TBCD: variants seen among roughly 807,000 people sequenced by gnomAD.
TBCD encodes the protein tubulin-specific chaperone D.
In TBCD, 105 loss-of-function variants were observed where a neutral mutation model predicts 169.3. The observed-to-expected ratio is 0.62, with a 90% confidence interval of 0.53 to 0.73. TBCD has a LOEUF of 0.73. TBCD is among the 30% of genes least tolerant of loss of function. TBCD has a pLI of 0.00. For synonymous variants in TBCD, 700 were observed against 643.9 expected (o/e 1.09, Z -1.32); for missense variants, 1,444 against 1,600.1 (o/e 0.90, Z 1.66).
chr17:82,895,753 C>G (rs1331712568), intron 17 of TBCD: 1 of 152,176 alleles, frequency 6.6e-6, no homozygotes, highest in Non-Finnish European at 1.5e-5. Flanking sequence ...GAGGTTGGGG[C>G]CTCAGCTTGC....
intron 12 of TBCD, among the ~76,000 whole-genome samples, chr17:82,810,333 C>T (rs776205859): frequency 3.9e-5 from 6 of 152,148 alleles, no homozygotes; most frequent in Admixed American, 2.6e-4. Context: ...CCCAGCTACT[C>T]GGGAGGCTGA....
At position 82,831,396 on chromosome 17, in the gene TBCD, G is replaced by A. The variant is rs756971141; in HGVS notation, c.1318+16462G>A. Reference sequence around the variant, plus strand: ...GACTCGAGGCTGGATAGACCAGGGTGGCTTCTTCAAGCAGGTGAGAGCTCT... The same window carrying A: ...GACTCGAGGCTGGATAGACCAGGGTAGCTTCTTCAAGCAGGTGAGAGCTCT... On this transcript the variant is annotated intron_variant, in intron 13 of 38. Transcript: ENST00000355528. The surrounding 1 kb of genome is among the most constrained non-coding windows in gnomAD (Gnocchi z 4.6). 3 of 1,614,196 alleles carry A rather than the reference G, an allele frequency of 1.9e-6. No homozygotes were observed. Among genetic ancestry groups the A allele is most frequent in the East Asian group, 2.2e-5 (1 of 44,880 alleles).
chr17:82,781,517 G>A (rs2048949028), intron 6 of TBCD, 72 bp from the exon 7 acceptor site: 3 of 1,578,870 alleles, frequency 1.9e-6, no homozygotes, highest in Non-Finnish European at 1.7e-6. Flanking sequence ...GTGGGTGTGT[G>A]TGGGGTGGGC....
intron 9 of TBCD, among the ~76,000 whole-genome samples, chr17:82,804,845 C>G (rs946688654): frequency 7.9e-5 from 12 of 152,220 alleles, no homozygotes; most frequent in African/African-American, 2.9e-4. Context: ...AACTGCCCCC[C>G]TCCTTGTTTC....
Position 82,805,994 on chromosome 17 carries a change from G to GGGTGGAGCGTGTGATAGGTGCGT in TBCD, c.1073_1087+8dup, listed in dbSNP as rs774101209. On this transcript the variant is annotated frameshift_variant, in exon 10 of 39. Transcript: ENST00000355528. LOFTEE classifies it high-confidence loss of function. Reference sequence around the variant, plus strand: ...GACGAAGATGACGACGTCCCAGAGGGGGTGGAGCGTGTGATAGGTGCGTGG... The same window carrying GGGTGGAGCGTGTGATAGGTGCGT: ...GACGAAGATGACGACGTCCCAGAGGGGGTGGAGCGTGTGATAGGTGCGTGGTGGAGCGTGTGATAGGTGCGTGG... The GGGTGGAGCGTGTGATAGGTGCGT allele has an allele frequency of 5.0e-6, 8 of 1,613,722 alleles. No individual in the cohort carries two copies. In the South Asian group the frequency reaches 8.8e-5, roughly 18 times the overall value.
At chr17:82,792,660 G>A (rs929782666) in intron 7 of TBCD, among the ~76,000 whole-genome samples, 4 of 152,204 alleles carry the variant, frequency 2.6e-5, no homozygotes, top group Non-Finnish European at 4.4e-5. Context: ...TGTGGAGCTG[G>A]GCCTTGCATG....
chr17:82,901,307 G>A (rs2059875925), intron 18 of TBCD, among the ~76,000 whole-genome samples: 1 of 152,260 alleles, frequency 6.6e-6, no homozygotes, highest in Non-Finnish European at 1.5e-5. Flanking sequence ...GGACAGTGCC[G>A]TGCTGTGGCA....
chr17:82,911,323 G>A (rs929440214), intron 22 of TBCD, among the ~76,000 whole-genome samples: 2 of 152,214 alleles, frequency 1.3e-5, no homozygotes, highest in African/African-American at 2.4e-5. Flanking sequence ...CGCTGTCAGC[G>A]CCAGGGCTGG....
chr17:82,927,761 C>T (rs913154228), intron 29 of TBCD, 144 bp from the exon 30 acceptor site: 23 of 700,618 alleles, frequency 3.3e-5, no homozygotes, highest in South Asian at 2.1e-4. Context: ...CTGCAGGCCC[C>T]GTGACTCCCT....
Position 82,874,988 on chromosome 17 carries a change from C to T in TBCD, c.1475+4608C>T, listed in dbSNP as rs2057865305. 6.6e-6 allele frequency among the ~76,000 whole-genome samples: 1 copy of T among 152,204 alleles called. No homozygotes were observed. The highest frequency in any genetic ancestry group is 6.5e-5 in the Admixed American group (1 of 15,286). On this transcript the variant is annotated intron_variant, in intron 14 of 38. Transcript: ENST00000355528. This position sits in a 1 kb window ranked among gnomAD's most constrained non-coding sequence, Gnocchi z 5.0. ...AGGGAAATGGAAATGCCTGATCGAG[C>T]TGGGCGGTGGCAGCAGCCGCTCCTC... is the stretch of plus-strand genomic sequence containing the variant.
intron 8 of TBCD, 35 bp from the exon 9 acceptor site, chr17:82,800,829 G>A (rs777282990): frequency 3.1e-6 from 5 of 1,591,372 alleles, no homozygotes; most frequent in South Asian, 1.1e-5. Context: ...GATGCCTGCA[G>A]CCCTTCCTGC....
intron 13 of TBCD, among the ~76,000 whole-genome samples, chr17:82,869,453 G>C (rs1267551493): frequency 1.3e-5 from 2 of 152,156 alleles, no homozygotes; most frequent in African/African-American, 4.8e-5. Flanking sequence ...CTGGGAGGTG[G>C]AAGGTGCAGT....
intron 5 of TBCD, 104 bp downstream of exon 5, chr17:82,768,670 C>A: frequency 7.7e-7 from 1 of 1,295,044 alleles, no homozygotes; most frequent in Non-Finnish European, 1.0e-6. Context: ...ATGTATTCAA[C>A]TGCTGTTTTT....
intron 27 of TBCD, 59 bp downstream of exon 27, chr17:82,925,116 G>T: frequency 7.4e-7 from 1 of 1,344,370 alleles, no homozygotes. Context: ...AGCCTCGTGT[G>T]TTGGGGCATG....
At chr17:82,848,067 A>C (rs537210435) in intron 13 of TBCD, among the ~76,000 whole-genome samples, 6 of 152,064 alleles carry the variant, frequency 3.9e-5, no homozygotes, top group African/African-American at 1.4e-4. Flanking sequence ...GAGTGTGAGG[A>C]GATGGGTGGG....
At chr17:82,773,666 T>C (rs971330173) in intron 6 of TBCD, among the ~76,000 whole-genome samples, 1 of 152,030 alleles carries the variant, frequency 6.6e-6, no homozygotes, top group African/African-American at 2.4e-5. Flanking sequence ...ATGGGCCTGG[T>C]GCGCCATTGT....
intron 7 of TBCD, among the ~76,000 whole-genome samples, chr17:82,791,737 G>A (rs768426408): frequency 2.6e-5 from 4 of 152,226 alleles, no homozygotes; most frequent in Non-Finnish European, 4.4e-5. Flanking sequence ...TGCTGAGTGA[G>A]TCATGAAACA....
At chr17:82,759,656 A>G (rs534988445) in intron 2 of TBCD, among the ~76,000 whole-genome samples, 1 of 152,048 alleles carries the variant, frequency 6.6e-6, no homozygotes, top group Non-Finnish European at 1.5e-5. Context: ...TAGCTTGTCA[A>G]ACTATCAGTT....
At chr17:82,844,206 CGT>C (rs769300875) in intron 13 of TBCD, among the ~76,000 whole-genome samples, 19 of 127,482 alleles carry the variant, frequency 1.5e-4, no homozygotes, top group Middle Eastern at 3.7e-3. Context: ...GGATGTTCTC[CGT>C]GTGTGTGTGT....
Sources: gnomAD v4.1 joint callset for allele counts (sites outside exome capture counted in the v4.1 genomes callset) on GRCh38, gnomAD v4.1.1 for gene constraint, Gnocchi (gnomAD v3.1) non-coding constraint, MANE v1.5 for transcripts, NCBI Gene and HGNC (gene_info 2026-07-23, HGNC 2026-07-21) for gene names.